Variants in ARHGAP6 observed in about 807,000 individuals in gnomAD.
ARHGAP6 encodes Rho GTPase activating protein 6.
Under a neutral mutation model 55.7 loss-of-function variants are expected in ARHGAP6, and 16 were observed. That is an observed-to-expected ratio of 0.29 (90% CI 0.19 to 0.44). The LOEUF (loss-of-function observed/expected upper bound fraction) is 0.44. Ranked by LOEUF, ARHGAP6 falls within the 20% of genes least tolerant of loss-of-function variation. ARHGAP6 has a pLI of 1.00. For synonymous variants in ARHGAP6, 382 were observed against 360.9 expected (o/e 1.06, Z -0.66); for missense variants, 698 against 808.9 (o/e 0.86, Z 1.66).
At chrX:11,587,733 C>A (rs770235295) in intron 1 of ARHGAP6, among the ~76,000 whole-genome samples, 1 of 112,200 alleles carries the variant, frequency 8.9e-6, no homozygotes, top group Non-Finnish European at 1.9e-5. Context: ...CTGCAGGTCA[C>A]ATATGCTGTT....
At chrX:11,523,439 C>G (rs35665032) in intron 1 of ARHGAP6, among the ~76,000 whole-genome samples, 11,067 of 110,731 alleles carry the variant, frequency 0.1, 706 homozygotes, top group African/African-American at 0.22. Context: ...AAGAGGAAGT[C>G]AAATTGTCCC....
At chrX:11,306,087 T>C (rs971015020) in intron 1 of ARHGAP6, among the ~76,000 whole-genome samples, 2 of 111,468 alleles carry the variant, frequency 1.8e-5, no homozygotes, top group African/African-American at 6.5e-5. Flanking sequence ...TGCCACCTCT[T>C]CTAGAAATCT....
intron 1 of ARHGAP6, among the ~76,000 whole-genome samples, chrX:11,408,080 A>T (rs1163683378): frequency 9.0e-6 from 1 of 111,093 alleles, no homozygotes; most frequent in Non-Finnish European, 1.9e-5. Context: ...TATGACTTCA[A>T]CACTATAACT....
intron 1 of ARHGAP6, among the ~76,000 whole-genome samples, chrX:11,580,474 G>A (rs148448179): frequency 0.013 from 1,401 of 111,671 alleles, 18 homozygotes; most frequent in African/African-American, 0.043. Flanking sequence ...AGAGGATGAT[G>A]AATAATCTTT....
chrX:11,212,111 T>A (rs767366864), intron 2 of ARHGAP6, among the ~76,000 whole-genome samples: 2 of 111,457 alleles, frequency 1.8e-5, no homozygotes, highest in Non-Finnish European at 3.8e-5. Flanking sequence ...CTAAACCTCA[T>A]CCGTTTTACT....
chrX:11,455,227 C>T (rs1224502042), intron 1 of ARHGAP6, among the ~76,000 whole-genome samples: 1 of 112,353 alleles, frequency 8.9e-6, no homozygotes, highest in Non-Finnish European at 1.9e-5. Context: ...TTACTGAATC[C>T]AAACTCTAAA....
At chrX:11,398,937 T>C (rs1263790120) in intron 1 of ARHGAP6, among the ~76,000 whole-genome samples, 1 of 112,153 alleles carries the variant, frequency 8.9e-6, no homozygotes, top group Non-Finnish European at 1.9e-5. Flanking sequence ...AAGAAGCTTT[T>C]ATACATACAA....
In ARHGAP6 at chrX:11,529,944, C is replaced by A. The variant is rs951246640; in HGVS notation, c.588+134297G>T. 3.6e-5 allele frequency among the ~76,000 whole-genome samples: 4 copies of A among 111,431 alleles called. No individual in the cohort carries two copies. In the Admixed American group the frequency reaches 3.8e-4, roughly 11 times the overall value. ...ATGTATATGCAGTGTATAATACTCT[C>A]CAAAGAAGGACAAAAATCAGGAAAA... On this transcript the variant is annotated intron_variant, in intron 1 of 12. Transcript: ENST00000337414.
chrX:11,323,866 CAAAAAAAAAAAAA>C (rs61462099), intron 1 of ARHGAP6, among the ~76,000 whole-genome samples: 2 of 40,299 alleles, frequency 5.0e-5, no homozygotes, highest in African/African-American at 1.1e-4. Flanking sequence ...ACCCCCATTT[CAAAAAAAAAAAAA>C]AAAAAAAAGA....
At chrX:11,226,971 T>A (rs2047058399) in intron 2 of ARHGAP6, among the ~76,000 whole-genome samples, 1 of 112,431 alleles carries the variant, frequency 8.9e-6, no homozygotes, top group Non-Finnish European at 1.9e-5. Context: ...TATTAGCTAA[T>A]CGTTATTGGA....
At chrX:11,189,094 T>C in intron 3 of ARHGAP6, 110 bp from the exon 4 acceptor site, 1 of 932,793 alleles carries the variant, frequency 1.1e-6, no homozygotes, top group Non-Finnish European at 1.4e-6. Flanking sequence ...GAATGTTTTC[T>C]GAAGAATTGA....
At chrX:11,220,541 A>C (rs1163052363) in intron 2 of ARHGAP6, among the ~76,000 whole-genome samples, 2 of 110,808 alleles carry the variant, frequency 1.8e-5, no homozygotes, top group Non-Finnish European at 3.8e-5. Flanking sequence ...TAAGCTTCAT[A>C]AGTGAAGGAG....
chrX:11,356,169 T>C, intron 1 of ARHGAP6, among the ~76,000 whole-genome samples: 2 of 110,659 alleles, frequency 1.8e-5, no homozygotes, highest in Non-Finnish European at 3.8e-5. Flanking sequence ...TAGAAACTAG[T>C]TTGACACACC....
At chrX:11,632,590 C>T (rs745709253) in intron 1 of ARHGAP6, among the ~76,000 whole-genome samples, 25 of 112,186 alleles carry the variant, frequency 2.2e-4, no homozygotes, top group East Asian at 2.8e-4. Flanking sequence ...CTTTAATTGA[C>T]GTAATTATAA....
chrX:11,351,600 C>T lies in ARHGAP6; in HGVS notation c.589-96893G>A, dbSNP rs1392552096. ...AGTACTGTCTTCCCACCATTCTCAA[C>T]GAGGACTCCATTTCCCATAAATGTT... On this transcript the variant is annotated intron_variant, in intron 1 of 12. Coordinates refer to ENST00000337414, the MANE Select transcript of ARHGAP6 (RefSeq NM_013427.3). 1.7e-5 allele frequency: 13 copies of T among 751,382 alleles called. No homozygotes were observed. In the African/African-American group the frequency reaches 2.3e-4, roughly 13 times the overall value. The allele number at this position is 751,382 out of a possible 1,213,427, so 61.9% of individuals were successfully genotyped here.
chrX:11,388,244 T>C, intron 1 of ARHGAP6, among the ~76,000 whole-genome samples: 1 of 112,121 alleles, frequency 8.9e-6, no homozygotes, highest in East Asian at 2.8e-4. Context: ...ATGATCACCG[T>C]TCTAACTGGT....
chrX:11,322,624 T>C (rs2048447876), intron 1 of ARHGAP6, among the ~76,000 whole-genome samples: 1 of 112,289 alleles, frequency 8.9e-6, no homozygotes, highest in African/African-American at 3.2e-5. Flanking sequence ...CCTTCCAAGA[T>C]AGCATACATT....
chrX:11,335,665 A>T (rs1026101350), intron 1 of ARHGAP6: 73 of 292,956 alleles, frequency 2.5e-4, no homozygotes, highest in African/African-American at 1.9e-3. Context: ...TGTTGTCTAA[A>T]TTTTTTATGG....
At chrX:11,656,498 C>T (rs2052639031) in intron 1 of ARHGAP6, among the ~76,000 whole-genome samples, 1 of 112,443 alleles carries the variant, frequency 8.9e-6, no homozygotes. Flanking sequence ...TATATTCCTC[C>T]TGAAGGTTCT....
Sources: allele counts gnomAD v4.1 joint callset (sites outside exome capture counted in the v4.1 genomes callset), GRCh38; gene constraint gnomAD v4.1.1; transcripts MANE v1.5; gene names NCBI Gene and HGNC (gene_info 2026-07-23, HGNC 2026-07-21).